The following WDR1 variants were observed in gnomAD, a reference collection of about 807,000 sequenced individuals.
The protein encoded by WDR1 is WD repeat-containing protein 1.
A neutral mutation model predicts 71.9 loss-of-function variants in WDR1; 21 were observed. The observed-to-expected ratio is 0.29, with a 90% CI of 0.21 to 0.42. The LOEUF (loss-of-function observed/expected upper bound fraction) is 0.42. Among genes scored for constraint, WDR1 ranks in the 10% least tolerant of loss-of-function variants. The pLI is 1.00. For missense variants in WDR1, 696 were observed against 824.5 expected (o/e 0.84, Z 1.91); for synonymous variants, 424 against 347.4 (o/e 1.22, Z -2.45).
At chr4:10,088,039 G>C in intron 7 of WDR1, 99 bp from the exon 8 acceptor site, 1 of 1,204,618 alleles carries the variant, frequency 8.3e-7, no homozygotes, top group Non-Finnish European at 1.2e-6. Context: ...GAGTAGGACA[G>C]AAGGAGCCCA....
chr4:10,077,579 C>T, intron 13 of WDR1, 131 bp from the exon 14 acceptor site: 1 of 1,493,506 alleles, frequency 6.7e-7, no homozygotes. Flanking sequence ...TGCCAGCGAC[C>T]CCTGCAAACC....
At position 10,097,879 on chromosome 4, in the gene WDR1, G is replaced by A. The variant is rs1213304539; in HGVS notation, c.390C>T (p.Val130=). 4.4e-6 allele frequency: 7 copies of A among 1,586,430 alleles called. No homozygotes were observed. In the Admixed American group the frequency reaches 8.7e-5, roughly 20 times the overall value. Reference sequence around the variant, plus strand: ...CAGAAGAGCCACTATCCCAGAGGAAGACTGCTCCAAACCTTGACCCAATGA... The same window carrying A: ...CAGAAGAGCCACTATCCCAGAGGAAAACTGCTCCAAACCTTGACCCAATGA... The part of the protein sequence containing the change: ...VGEGREKFGA[V]FLWDSGSSVG... The change falls in exon 5 of 15, where the codon GTC becomes GTT. Residue 130 remains valine, a synonymous_variant. Coordinates refer to ENST00000499869, the MANE Select transcript of WDR1 (RefSeq NM_017491.5).
chr4:10,099,180 T>TGGGG, intron 3 of WDR1, 41 bp from the exon 4 acceptor site: 1 of 173,730 alleles, frequency 5.8e-6, no homozygotes, highest in Admixed American at 8.5e-5. Context: ...GAGGCGGTGG[T>TGGGG]GGGGTAAAGG....
At chr4:10,092,163 G>C (rs1028812354) in intron 5 of WDR1, 2 of 136,584 alleles carry the variant, frequency 1.5e-5, no homozygotes, top group Non-Finnish European at 3.2e-5. Flanking sequence ...GGGCCAGGGA[G>C]ATGGCTGGGC....
intron 8 of WDR1, among the ~76,000 whole-genome samples, chr4:10,086,260 C>T (rs776889182): frequency 6.6e-6 from 1 of 152,340 alleles, no homozygotes; most frequent in South Asian, 2.1e-4. Flanking sequence ...CTGTGCGTGC[C>T]TTCCTTTTTA....
At chr4:10,082,962 C>A in intron 10 of WDR1, 60 bp downstream of exon 10, 8 of 1,551,966 alleles carry the variant, frequency 5.2e-6, no homozygotes, top group Non-Finnish European at 7.0e-6. Flanking sequence ...CTGGAGGGCA[C>A]AAGCCCTCCG....
At chr4:10,107,932 C>A (rs769149480) in intron 2 of WDR1, among the ~76,000 whole-genome samples, 72 of 152,218 alleles carry the variant, frequency 4.7e-4, no homozygotes, top group Non-Finnish European at 8.8e-4. Flanking sequence ...GGAGGCCATT[C>A]TACTCTGTCA....
At chr4:10,103,846 C>A (rs548634025) in intron 3 of WDR1, 50 bp downstream of exon 3, 1 of 1,468,392 alleles carries the variant, frequency 6.8e-7, no homozygotes. Flanking sequence ...GGGCCCTGAG[C>A]GCCACCCAGG....
intron 4 of WDR1, 81 bp downstream of exon 4, chr4:10,098,911 G>A (rs1025522497): frequency 2.3e-5 from 37 of 1,581,446 alleles, no homozygotes; most frequent in African/African-American, 1.6e-4. Flanking sequence ...AGACATCAGC[G>A]CATCCCCCTC....
chr4:10,110,629 T>C (rs1713294204), intron 2 of WDR1, among the ~76,000 whole-genome samples: 1 of 152,226 alleles, frequency 6.6e-6, no homozygotes, highest in Non-Finnish European at 1.5e-5. Context: ...CTCCAGCAGC[T>C]GTCCCCGCTC....
chr4:10,115,219 C>T (rs1713636820), intron 2 of WDR1, among the ~76,000 whole-genome samples: 1 of 152,236 alleles, frequency 6.6e-6, no homozygotes, highest in Non-Finnish European at 1.5e-5. Flanking sequence ...CCAATTCCAT[C>T]ACTCAGGCTG....
At chr4:10,115,946 T>C in intron 2 of WDR1, 167 bp downstream of exon 2, 1 of 880,422 alleles carries the variant, frequency 1.1e-6, no homozygotes, top group Non-Finnish European at 1.7e-6. Context: ...TGGGTGAATC[T>C]GAGGCCGGCT....
chr4:10,091,270 G>A (rs900783678), intron 5 of WDR1, among the ~76,000 whole-genome samples: 1 of 152,212 alleles, frequency 6.6e-6, no homozygotes, highest in African/African-American at 2.4e-5. Flanking sequence ...CTAGTTCTAA[G>A]GCTGGTCTTC....
At chr4:10,096,398 A>T (rs1349678039) in intron 5 of WDR1, 1 of 152,254 alleles carries the variant, frequency 6.6e-6, no homozygotes, top group Non-Finnish European at 1.5e-5. Context: ...AGCTCCCAAA[A>T]TAGCCAGGTC....
chr4:10,115,902 C>CA, intron 2 of WDR1: 1 of 612,960 alleles, frequency 1.6e-6, no homozygotes. Flanking sequence ...AACTAAGACT[C>CA]AGTTTCCTCA....
chr4:10,088,981 G>A (rs1432885891), intron 5 of WDR1, among the ~76,000 whole-genome samples: 7 of 152,190 alleles, frequency 4.6e-5, no homozygotes, highest in Admixed American at 6.5e-5. Flanking sequence ...TGATTAGCCC[G>A]AGCGAAGGCA....
At chr4:10,077,592 C>G (rs779583429) in intron 13 of WDR1, 144 bp from the exon 14 acceptor site, 11 of 1,488,270 alleles carry the variant, frequency 7.4e-6, no homozygotes, top group Non-Finnish European at 1.0e-5. Context: ...TGCAAACCCA[C>G]TGACTCCTCA....
At position 10,097,401 on chromosome 4, in the gene WDR1, C is replaced by G. The variant is rs200682394; in HGVS notation, c.558+310G>C. Among the ~76,000 whole-genome samples, 44 of 152,374 alleles carry G rather than the reference C, an allele frequency of 2.9e-4. No homozygotes were observed. The East Asian group carries it at 7.5e-3, about 26-fold the overall frequency. ...GCAGGCTCCCCTCTCTAATGAGCAC[C>G]TCCAGCCCCAGATGCTTGCCTGGTT... On this transcript the variant is annotated intron_variant, in intron 5 of 14. Transcript: ENST00000499869.
chr4:10,087,179 C>G (rs1012395298), intron 8 of WDR1, among the ~76,000 whole-genome samples: 2 of 152,238 alleles, frequency 1.3e-5, no homozygotes, highest in East Asian at 3.8e-4. Context: ...CCATCGCTCC[C>G]TTATGGAACT....
Sources: gnomAD v4.1 joint callset for allele counts (sites outside exome capture counted in the v4.1 genomes callset) on GRCh38, gnomAD v4.1.1 for gene constraint, MANE v1.5 for transcripts, NCBI Gene and HGNC (gene_info 2026-07-23, HGNC 2026-07-21) for gene names.